The following COL28A1 variants were observed in gnomAD, a reference collection of about 807,000 sequenced individuals.
COL28A1 encodes the protein collagen alpha-1(XXVIII) chain.
In COL28A1, 161 loss-of-function variants were observed where a neutral mutation model predicts 150.2. The observed-to-expected ratio is 1.07, with a 90% CI of 0.94 to 1.22. The LOEUF (loss-of-function observed/expected upper bound fraction) is 1.22. Ranked by LOEUF, COL28A1 falls within the 50% of genes most tolerant of loss-of-function variation. The pLI is 0.00. For synonymous variants in COL28A1, 552 were observed against 469.7 expected (o/e 1.18, Z -2.26); for missense variants, 1,617 against 1,388.3 (o/e 1.16, Z -2.62).
chr7:7,422,458 G>A (rs10216249), intron 25 of COL28A1, among the ~76,000 whole-genome samples: 10,024 of 152,036 alleles, frequency 0.066, 1,139 homozygotes, highest in African/African-American at 0.23. Context: ...ATGAAACAGT[G>A]TCTCTACTAA....
At chr7:7,435,799 G>A (rs564514394) in intron 23 of COL28A1, among the ~76,000 whole-genome samples, 1 of 152,266 alleles carries the variant, frequency 6.6e-6, no homozygotes, top group African/African-American at 2.4e-5. Context: ...TTTTAAAAGT[G>A]CTAATGATGG....
At chr7:7,397,321 C>G (rs964409319) in intron 27 of COL28A1, among the ~76,000 whole-genome samples, 25 of 152,112 alleles carry the variant, frequency 1.6e-4, no homozygotes, top group African/African-American at 6.0e-4. Context: ...TTTTGCCTCC[C>G]TCTTATAAAG....
intron 33 of COL28A1, among the ~76,000 whole-genome samples, chr7:7,366,048 T>C (rs889510797): frequency 2.6e-5 from 4 of 152,186 alleles, no homozygotes; most frequent in East Asian, 3.8e-4. Context: ...AAACCTCTCA[T>C]ACATTAGTGC....
At chr7:7,348,740 G>A in the COL28A1 span, among the ~76,000 whole-genome samples, 1 of 151,390 alleles carries the variant, frequency 6.6e-6, no homozygotes, top group African/African-American at 2.4e-5. Context: ...GTAGACATTT[G>A]GTGCTATAAA....
Position 7,490,594 on chromosome 7 carries a change from C to A in COL28A1, c.1079G>T (p.Gly360Val), listed in dbSNP as rs149438746. 6,490 of 1,359,682 alleles carry A rather than the reference C, an allele frequency of 4.8e-3. 168 individuals carry two copies. In the Admixed American group the frequency reaches 0.061, roughly 13 times the overall value. The allele number at this position is 1,359,682 out of a possible 1,614,324, so 84.2% of individuals were successfully genotyped here. The part of the protein sequence containing the change: ...PYGSPGAPGI[G>V]QQGIKGERGQ... ...TATCTTTACCTTAATACCTTGCTGTCCAATTCCAGGAGCTCCTGGAGAACC... is the reference window on the plus strand; with the variant it reads ...TATCTTTACCTTAATACCTTGCTGTACAATTCCAGGAGCTCCTGGAGAACC... The change falls in exon 12 of 35, where the codon GGA becomes GTA. Residue 360 changes from glycine (G) to valine (V), a missense_variant. Gly to Val is a moderately radical substitution (Grantham distance 109). Transcript: ENST00000399429.
At chr7:7,441,975 T>C (rs986890020) in intron 20 of COL28A1, among the ~76,000 whole-genome samples, 1 of 152,122 alleles carries the variant, frequency 6.6e-6, no homozygotes, top group African/African-American at 2.4e-5. Context: ...CTCTTTATTT[T>C]CTTCCCTCCA....
chr7:7,375,881 C>T (rs1269605115), intron 30 of COL28A1, among the ~76,000 whole-genome samples: 2 of 152,152 alleles, frequency 1.3e-5, no homozygotes, highest in Non-Finnish European at 2.9e-5. Context: ...GCTATATATA[C>T]ATTCAGTTAT....
intron 25 of COL28A1, among the ~76,000 whole-genome samples, chr7:7,430,205 C>G (rs189625485): frequency 3.3e-5 from 5 of 152,262 alleles, no homozygotes; most frequent in African/African-American, 4.8e-5. Context: ...CAGCTCACTG[C>G]AACCTCCGCC....
rs757181550 is a variant in COL28A1, at chr7:7,474,715, A to T, written c.1234-46T>A. 3 of 869,372 alleles carry T rather than the reference A, an allele frequency of 3.5e-6. No individual in the cohort carries two copies. In the Admixed American group the frequency reaches 5.4e-5, roughly 16 times the overall value. The allele number at this position is 869,372 out of a possible 1,614,324, so 53.9% of individuals were successfully genotyped here. ...TATCAATGCACCAACCAAAATCTGA[A>T]TTTTAAAAGAGTTTACATTACAAAT... On this transcript the variant is annotated intron_variant, in intron 14 of 34. Coordinates refer to ENST00000399429, the MANE Select transcript of COL28A1 (RefSeq NM_001037763.3).
Position 7,456,082 on chromosome 7 carries a change from G to T in COL28A1, c.1333C>A (p.Pro445Thr). ...GDIGPVGPQG[P>T]MGIPGIGSQG... Reference sequence around the variant, plus strand: ...CTCCCGATTCCAGGGATACCCATTGGTCCTTGGGGTCCCACAGGTCCTATA... The same window carrying T: ...CTCCCGATTCCAGGGATACCCATTGTTCCTTGGGGTCCCACAGGTCCTATA... The change falls in exon 16 of 35, where the codon CCA (proline) becomes ACA (threonine). Residue 445 changes from proline to threonine, a missense_variant. Transcript: ENST00000399429. 6.2e-7 allele frequency: 1 copy of T among 1,613,764 alleles called. No individual in the cohort carries two copies. The highest frequency in any genetic ancestry group is 1.1e-5 in the South Asian group (1 of 91,038).
At chr7:7,504,993 T>C (rs1780731053) in intron 11 of COL28A1, among the ~76,000 whole-genome samples, 1 of 152,206 alleles carries the variant, frequency 6.6e-6, no homozygotes, top group Non-Finnish European at 1.5e-5. Context: ...ACAAGGCCAT[T>C]TCTTTCCCCA....
chr7:7,387,662 G>A (rs1158371808), intron 27 of COL28A1, among the ~76,000 whole-genome samples: 1 of 152,036 alleles, frequency 6.6e-6, no homozygotes, highest in Admixed American at 6.6e-5. Context: ...CTGGGTAAAG[G>A]ATATATAAAA....
rs1266547189 is a variant in COL28A1, at chr7:7,419,758, C to T, written c.2067+127G>A. ...CGTTCACCTGATATGAAAAATAAGA[C>T]GTTTCATCAGTCACCAAGAAAAAAA... On this transcript the variant is annotated intron_variant, in intron 26 of 34. Transcript: ENST00000399429. The T allele has an allele frequency of 1.7e-5, 8 of 468,010 alleles. No individual in the cohort carries two copies. The South Asian group carries it at 2.4e-4, about 14-fold the overall frequency. 29.0% of individuals were successfully genotyped at this position (468,010 alleles called of 1,614,324 possible). A position where few individuals can be genotyped will look rare whatever the true frequency, so the allele number is the denominator to read the frequency against.
At chr7:7,408,527 C>T (rs1252916818) in intron 27 of COL28A1, among the ~76,000 whole-genome samples, 1 of 152,092 alleles carries the variant, frequency 6.6e-6, no homozygotes, top group Non-Finnish European at 1.5e-5. Flanking sequence ...CAGAGGATTG[C>T]AGTACAAAAA....
upstream of COL28A1, among the ~76,000 whole-genome samples, chr7:7,539,575 T>C (rs1460112065): frequency 6.6e-6 from 1 of 152,140 alleles, no homozygotes; most frequent in Non-Finnish European, 1.5e-5. Flanking sequence ...ACTGTATTGG[T>C]CTTATTTGTC....
At chr7:7,394,915 C>A (rs1007275296) in intron 27 of COL28A1, among the ~76,000 whole-genome samples, 1 of 152,162 alleles carries the variant, frequency 6.6e-6, no homozygotes, top group African/African-American at 2.4e-5. Flanking sequence ...GAGGTTCACT[C>A]TTAAGGAGAA....
chr7:7,489,417 G>T lies in COL28A1; in HGVS notation c.1136C>A (p.Pro379His). 1 of 1,467,034 alleles carries T rather than the reference G, an allele frequency of 6.8e-7. No homozygotes were observed. The highest frequency in any genetic ancestry group is 1.4e-5 in the African/African-American group (1 of 72,126). The allele number at this position is 1,467,034 out of a possible 1,614,324, so 90.9% of individuals were successfully genotyped here. A position where few individuals can be genotyped will look rare whatever the true frequency, so the allele number is the denominator to read the frequency against. Residue 379 changes from proline (P) to histidine (H), a missense_variant, in exon 13 of 35, where the codon CCC becomes CAC. By Grantham distance (77) the Pro-to-His change is moderately conservative (BLOSUM62 -2). Transcript: ENST00000399429. The part of the protein sequence containing the change: ...GQEGRPGAPG[P>H]IGVGEPGQPG... Reference sequence around the variant, plus strand: ...CTGTCCAGGCTCACCAACTCCAATGGGTCCTGGAGCTCCCGGTCTTCCTTC... The same window carrying T: ...CTGTCCAGGCTCACCAACTCCAATGTGTCCTGGAGCTCCCGGTCTTCCTTC...
chr7:7,517,115 A>G lies in COL28A1; in HGVS notation c.855+681T>C, dbSNP rs183651720. Among the ~76,000 whole-genome samples, 1,060 of 152,258 alleles carry G rather than the reference A, an allele frequency of 7.0e-3. 9 individuals carry two copies. The highest frequency in any genetic ancestry group is 8.1e-3 in the Non-Finnish European group (552 of 68,016). ...AACACAAATTTCAGATTTTTTGTTG[A>G]CATTACTAAACTTTCTATCAGATTT... On this transcript the variant is annotated intron_variant, in intron 7 of 34. Transcript: ENST00000399429.
At chr7:7,431,520 T>C (rs1562625926) in intron 25 of COL28A1, 1 of 470,866 alleles carries the variant, frequency 2.1e-6, no homozygotes, top group Non-Finnish European at 4.4e-6. Flanking sequence ...TCCTGGCGAG[T>C]CCCTGATGCA....
Sources: allele counts gnomAD v4.1 joint callset (sites outside exome capture counted in the v4.1 genomes callset), GRCh38; gene constraint gnomAD v4.1.1; transcripts MANE v1.5; gene names NCBI Gene and HGNC (gene_info 2026-07-23, HGNC 2026-07-21).